The following COX5A variants were observed in gnomAD, a reference collection of about 807,000 sequenced individuals.
COX5A encodes the protein cytochrome c oxidase subunit 5A, also known as cytochrome c oxidase subunit 5A, mitochondrial.
COX5A carries 6 observed loss-of-function variants against 16.1 expected under a neutral mutation model. The ratio of observed to expected loss-of-function variants is 0.37; its 90% CI spans 0.20 to 0.73. The LOEUF is 0.73. COX5A is among the 30% of genes least tolerant of loss of function. The pLI is 0.50. For synonymous variants in COX5A, 73 were observed against 73.8 expected, an observed-to-expected ratio of 0.99 and a Z score of 0.06; for missense variants, 159 against 194.9, an observed-to-expected ratio of 0.82 and a Z score of 1.10.
At chr15:74,924,935 C>T (rs2065336715) in intron 3 of COX5A, among the ~76,000 whole-genome samples, 1 of 152,134 alleles carries the variant, frequency 6.6e-6, no homozygotes, top group Admixed American at 6.6e-5. Flanking sequence ...TTTGAGAATA[C>T]ATATGTCCAG....
intron 1 of COX5A, among the ~76,000 whole-genome samples, chr15:74,931,655 G>A (rs2065368116): frequency 6.7e-6 from 1 of 150,126 alleles, no homozygotes; most frequent in Non-Finnish European, 1.5e-5. Flanking sequence ...CTGGATTCAA[G>A]TGATTCTCCT....
chr15:74,929,364 T>C, intron 1 of COX5A, 132 bp from the exon 2 acceptor site: 1 of 638,242 alleles, frequency 1.6e-6, no homozygotes, highest in Non-Finnish European at 2.8e-6. Context: ...ATGAAATACA[T>C]CGTATACATT....
intron 2 of COX5A, 42 bp from the exon 3 acceptor site, chr15:74,926,929 C>T (rs1412988185): frequency 6.3e-7 from 1 of 1,591,890 alleles, no homozygotes; most frequent in Admixed American, 1.8e-5. Context: ...CTCGAAGAGC[C>T]TCACTTAAAC....
Position 74,928,677 on chromosome 15 carries a change from G to A in COX5A, c.217+439C>T, listed in dbSNP as rs186703439. ...TGGGATTACAGGCGTGAGCCACCGC[G>A]CCCGTGCTATGTAAATTGTTTGAAA... On this transcript the variant is annotated intron_variant, in intron 2 of 4. Transcript: ENST00000322347. Among the ~76,000 whole-genome samples, 475 of 152,286 alleles carry A rather than the reference G, an allele frequency of 3.1e-3. 8 individuals are homozygous for A. The highest frequency in any genetic ancestry group is 0.011 in the African/African-American group (458 of 41,560).
At chr15:74,923,558 C>T in intron 4 of COX5A, 90 bp downstream of exon 4, 1 of 655,804 alleles carries the variant, frequency 1.5e-6, no homozygotes. Flanking sequence ...AACAAGAACA[C>T]TGAAAGGTCT....
chr15:74,923,806 C>G (rs1251735228), intron 3 of COX5A, 36 bp from the exon 4 acceptor site: 1 of 1,286,642 alleles, frequency 7.8e-7, no homozygotes, highest in Non-Finnish European at 1.1e-6. Flanking sequence ...TTAACTCTCT[C>G]AAAAGCCATG....
In COX5A at chr15:74,938,019, G is replaced by A. The variant is rs1247926400; in HGVS notation, c.-5C>T. On this transcript the variant is annotated 5_prime_UTR_variant, in exon 1 of 5. Transcript: ENST00000322347. Reference sequence around the variant, plus strand: ...GCGGAGAGCGGCGCCCAGCATGACGGCGATGGCGGCGCGCGGGCTGAGGAC... The same window carrying A: ...GCGGAGAGCGGCGCCCAGCATGACGACGATGGCGGCGCGCGGGCTGAGGAC... The A allele has an allele frequency of 3.3e-6, 4 of 1,230,436 alleles. No individual in the cohort carries two copies. The highest frequency in any genetic ancestry group is 4.1e-6 in the Non-Finnish European group (4 of 987,050). 76.2% of individuals were successfully genotyped at this position (1,230,436 alleles called of 1,614,324 possible).
At chr15:74,926,914 T>G in intron 2 of COX5A, 27 bp from the exon 3 acceptor site, 1 of 1,603,988 alleles carries the variant, frequency 6.2e-7, no homozygotes, top group Non-Finnish European at 8.5e-7. Context: ...AAGGGCCATG[T>G]CAACCTCGAA....
Position 74,930,450 on chromosome 15 carries a change from C to T in COX5A, c.101-1218G>A, listed in dbSNP as rs1234466472. 4.7e-5 allele frequency among the ~76,000 whole-genome samples: 5 copies of T among 107,176 alleles called. No individual in the cohort carries two copies. The South Asian group carries it at 1.6e-3, about 34-fold the overall frequency. The allele number at this position is 107,176 out of a possible 152,430, so 70.3% of individuals were successfully genotyped here. On this transcript the variant is annotated intron_variant, in intron 1 of 4. Coordinates refer to ENST00000322347, the MANE Select transcript of COX5A (RefSeq NM_004255.4). ...AAAAAAAGACAATAAACAACAACAA[C>T]AAAAAAAACCAAAAAAGCAACAAAA...
chr15:74,930,930 T>C (rs2065364152), intron 1 of COX5A, among the ~76,000 whole-genome samples: 1 of 133,542 alleles, frequency 7.5e-6, no homozygotes, highest in South Asian at 2.5e-4. Flanking sequence ...GGCAGGAGAA[T>C]GGCGTGAACC....
At chr15:74,927,106 C>T (rs1245610157) in intron 2 of COX5A, among the ~76,000 whole-genome samples, 1 of 152,092 alleles carries the variant, frequency 6.6e-6, no homozygotes, top group African/African-American at 2.4e-5. Flanking sequence ...AACTATGCAA[C>T]AGCACGCAGA....
At chr15:74,934,361 C>T (rs2141274703) in intron 1 of COX5A, among the ~76,000 whole-genome samples, 1 of 150,594 alleles carries the variant, frequency 6.6e-6, no homozygotes, top group South Asian at 2.1e-4. Context: ...GATGGAGTCT[C>T]ACTCTGTCGC....
At chr15:74,934,477 C>T (rs1191769486) in intron 1 of COX5A, among the ~76,000 whole-genome samples, 4 of 152,022 alleles carry the variant, frequency 2.6e-5, no homozygotes, top group Admixed American at 6.6e-5. Context: ...ACTACAGGCA[C>T]TCGCCACCAC....
At chr15:74,931,374 G>A (rs988594243) in intron 1 of COX5A, among the ~76,000 whole-genome samples, 12 of 151,804 alleles carry the variant, frequency 7.9e-5, no homozygotes, top group Non-Finnish European at 7.4e-5. Context: ...GATGACGGGC[G>A]CCTGTAATCT....
intron 4 of COX5A, among the ~76,000 whole-genome samples, chr15:74,920,869 T>G (rs1292930209): frequency 6.6e-6 from 1 of 151,752 alleles, no homozygotes; most frequent in African/African-American, 2.4e-5. Context: ...TCCCAGCTAC[T>G]CGGGAGGCTA....
intron 2 of COX5A, among the ~76,000 whole-genome samples, chr15:74,927,095 G>A (rs1020211756): frequency 6.6e-6 from 1 of 151,868 alleles, no homozygotes; most frequent in African/African-American, 2.4e-5. Flanking sequence ...TGGAAAGAAA[G>A]AACTATGCAA....
intron 1 of COX5A, among the ~76,000 whole-genome samples, chr15:74,934,632 T>C (rs981292041): frequency 4.6e-5 from 7 of 152,250 alleles, no homozygotes; most frequent in African/African-American, 1.7e-4. Context: ...TGCCCGGCCA[T>C]GATTTAAATT....
At position 74,928,509 on chromosome 15, in the gene COX5A, C is replaced by T. The variant is rs182837047; in HGVS notation, c.217+607G>A. 5.1e-3 allele frequency among the ~76,000 whole-genome samples: 777 copies of T among 152,132 alleles called. 7 individuals carry two copies. The highest frequency in any genetic ancestry group is 0.017 in the African/African-American group (717 of 41,494). On this transcript the variant is annotated intron_variant, in intron 2 of 4. Coordinates refer to ENST00000322347, the MANE Select transcript of COX5A (RefSeq NM_004255.4). ...ACGCCATTCTCCTGCCTCAGCCTCC[C>T]GAGTAGCTGTGACTACAGGCGCCCG...
At chr15:74,921,439 C>T (rs1024150185) in intron 4 of COX5A, among the ~76,000 whole-genome samples, 1 of 128,586 alleles carries the variant, frequency 7.8e-6, no homozygotes, top group African/African-American at 2.9e-5. Context: ...AAAAGAATAT[C>T]AATCACAGGG....
Sources: gnomAD v4.1 joint callset for allele counts (sites outside exome capture counted in the v4.1 genomes callset) on GRCh38, gnomAD v4.1.1 for gene constraint, MANE v1.5 for transcripts, NCBI Gene and HGNC (gene_info 2026-07-23, HGNC 2026-07-21) for gene names.